Variants in NRXN1 observed in about 807,000 individuals in gnomAD.
NRXN1 encodes neurexin-1.
A neutral mutation model predicts 150.9 loss-of-function variants in NRXN1; 39 were observed. The observed-to-expected ratio is 0.26, with a 90% CI of 0.20 to 0.34. The LOEUF is 0.34. Among genes scored for constraint, NRXN1 ranks in the 10% least tolerant of loss-of-function variants. NRXN1 has a pLI of 1.00. For synonymous variants in NRXN1, 924 were observed against 757.0 expected, an observed-to-expected ratio of 1.22 and a Z score of -3.62; for missense variants, 1,815 against 1,949.9, an observed-to-expected ratio of 0.93 and a Z score of 1.30.
chr2:49,933,017 T>C (rs1180743136), intron 22 of NRXN1, among the ~76,000 whole-genome samples: 3 of 152,166 alleles, frequency 2.0e-5, no homozygotes, highest in African/African-American at 7.2e-5. Context: ...TTGCTTCTGA[T>C]TTTATTCCTG....
intron 17 of NRXN1, among the ~76,000 whole-genome samples, chr2:50,326,603 T>A (rs2076398986): frequency 6.6e-6 from 1 of 152,202 alleles, no homozygotes. Context: ...TGCAACCTTA[T>A]CTTCAGTTTG....
chr2:50,899,500 C>T lies in NRXN1; in HGVS notation c.832+22369G>A, dbSNP rs545886645. Among the ~76,000 whole-genome samples, 15 of 152,202 alleles carry T rather than the reference C, an allele frequency of 9.9e-5. No homozygotes were observed. The East Asian group carries it at 2.9e-3, about 30-fold the overall frequency. ...AGACAAGGATTAGTAGATGTGGGCC[C>T]TGCTTCCCCCAGGTTTATATTACTG... On this transcript the variant is annotated intron_variant, in intron 5 of 22. Coordinates refer to ENST00000401669, the MANE Select transcript of NRXN1 (RefSeq NM_001330078.2).
chr2:50,937,045 A>G (rs1558452307), intron 2 of NRXN1, among the ~76,000 whole-genome samples: 1 of 152,146 alleles, frequency 6.6e-6, no homozygotes, highest in Non-Finnish European at 1.5e-5. Flanking sequence ...GTTATCACAA[A>G]TAAGATAAAT....
At chr2:50,289,495 A>G (rs1278259802) in intron 17 of NRXN1, among the ~76,000 whole-genome samples, 1 of 152,172 alleles carries the variant, frequency 6.6e-6, no homozygotes, top group Non-Finnish European at 1.5e-5. Flanking sequence ...ATAAAGCTGG[A>G]CTGACAGAAA....
chr2:50,773,781 G>A (rs1253206581), intron 5 of NRXN1, among the ~76,000 whole-genome samples: 1 of 152,142 alleles, frequency 6.6e-6, no homozygotes, highest in Non-Finnish European at 1.5e-5. Flanking sequence ...ACTGAGGTGT[G>A]CTGGCAGAAG....
intron 2 of NRXN1, among the ~76,000 whole-genome samples, chr2:51,020,102 T>C (rs908520274): frequency 6.6e-6 from 1 of 151,744 alleles, no homozygotes. Context: ...CAGTAAAGCA[T>C]ATACATTTTA....
chr2:50,028,923 A>G (rs1688775629), intron 21 of NRXN1, among the ~76,000 whole-genome samples: 1 of 152,196 alleles, frequency 6.6e-6, no homozygotes, highest in African/African-American at 2.4e-5. Flanking sequence ...TGCTGGGTTC[A>G]AGCATAATCA....
chr2:50,761,962 A>G (rs567577408), intron 5 of NRXN1, among the ~76,000 whole-genome samples: 2 of 151,992 alleles, frequency 1.3e-5, no homozygotes, highest in South Asian at 4.1e-4. Context: ...GTCTTCAGCC[A>G]CAGAATGAAC....
At chr2:50,882,717 T>C (rs2216309) in intron 5 of NRXN1, among the ~76,000 whole-genome samples, 11,147 of 151,888 alleles carry the variant, frequency 0.073, 500 homozygotes, top group Middle Eastern at 0.13. Flanking sequence ...AAACAAGAAA[T>C]TGAAATTCAT....
At chr2:50,717,591 G>A (rs916350372) in intron 5 of NRXN1, among the ~76,000 whole-genome samples, 2 of 152,144 alleles carry the variant, frequency 1.3e-5, no homozygotes. Flanking sequence ...AATTTAATAT[G>A]AAATGGACGA....
chr2:50,408,622 C>A (rs1380114504), intron 17 of NRXN1, among the ~76,000 whole-genome samples: 4 of 152,126 alleles, frequency 2.6e-5, no homozygotes, highest in Non-Finnish European at 1.5e-5. Context: ...ATTTCGAGGT[C>A]CCCCTAATTT....
At chr2:50,681,800 C>A (rs1048041010) in intron 5 of NRXN1, among the ~76,000 whole-genome samples, 3 of 152,112 alleles carry the variant, frequency 2.0e-5, no homozygotes. Flanking sequence ...GATGTTAAAT[C>A]AATAATGTTT....
intron 5 of NRXN1, among the ~76,000 whole-genome samples, chr2:50,628,042 CTAAATTA>C: frequency 6.6e-6 from 1 of 151,888 alleles, no homozygotes; most frequent in East Asian, 1.9e-4. Flanking sequence ...ACTTAGATAA[CTAAATTA>C]TAAAGTTTTG....
intron 9 of NRXN1, among the ~76,000 whole-genome samples, chr2:50,551,069 GA>G: frequency 7.8e-5 from 10 of 128,152 alleles, no homozygotes; most frequent in Non-Finnish European, 1.6e-4. Flanking sequence ...AGAAGAAGAA[GA>G]AGAAGAGGAG....
At chr2:50,661,086 C>CATATATATATATATACCATATAT (rs10548003) in intron 5 of NRXN1, among the ~76,000 whole-genome samples, 6 of 151,836 alleles carry the variant, frequency 4.0e-5, no homozygotes, top group Non-Finnish European at 7.4e-5. Flanking sequence ...CATTCTTGCC[C>CATATATATATATATACCATATAT]ATATATATAT....
At chr2:50,594,940 A>C (rs35738234) in intron 8 of NRXN1, among the ~76,000 whole-genome samples, 5 of 152,042 alleles carry the variant, frequency 3.3e-5, no homozygotes, top group South Asian at 2.1e-4. Flanking sequence ...TCTTTTGTCC[A>C]CGGTACCCTC....
intron 5 of NRXN1, among the ~76,000 whole-genome samples, chr2:50,742,736 G>C (rs1699579224): frequency 6.6e-6 from 1 of 151,998 alleles, no homozygotes; most frequent in African/African-American, 2.4e-5. Flanking sequence ...TAGGTCCCTT[G>C]AGAGGATTGA....
At chr2:50,128,677 A>G (rs1177772715) in intron 18 of NRXN1, among the ~76,000 whole-genome samples, 1 of 152,134 alleles carries the variant, frequency 6.6e-6, no homozygotes, top group Non-Finnish European at 1.5e-5. Flanking sequence ...AATAAGCAGG[A>G]TGTTAAAAAC....
intron 5 of NRXN1, chr2:50,624,860 GA>G (rs1680727219): frequency 6.6e-6 from 1 of 152,048 alleles, no homozygotes; most frequent in South Asian, 2.1e-4. Flanking sequence ...AGATCAAACA[GA>G]AAGGTGGATA....
Sources: allele counts gnomAD v4.1 joint callset (sites outside exome capture counted in the v4.1 genomes callset), GRCh38; gene constraint gnomAD v4.1.1; transcripts MANE v1.5; gene names NCBI Gene and HGNC (gene_info 2026-07-23, HGNC 2026-07-21).